The following HERPUD2 variants were observed in gnomAD, a reference collection of about 807,000 sequenced individuals.
HERPUD2 encodes HERPUD family member 2, also known as homocysteine-responsive endoplasmic reticulum-resident ubiquitin-like domain member 2 protein.
HERPUD2 carries 13 observed loss-of-function variants against 49.9 expected under a neutral mutation model. That is an observed-to-expected ratio of 0.26 (90% confidence interval 0.17 to 0.41). The LOEUF (loss-of-function observed/expected upper bound fraction) is 0.41, where lower values mean the gene tolerates loss of function less well. Ranked by LOEUF, HERPUD2 falls within the 10% of genes least tolerant of loss-of-function variation. The probability of loss-of-function intolerance (pLI) is 1.00; values close to 1 mark genes in which losing one functional copy is unlikely to be tolerated. For missense variants in HERPUD2, 449 were observed against 492.2 expected (o/e 0.91, Z 0.83); for synonymous variants, 172 against 171.4 (o/e 1.00, Z -0.03).
intron 2 of HERPUD2, among the ~76,000 whole-genome samples, chr7:35,693,430 A>G (rs1192187017): frequency 6.6e-6 from 1 of 152,222 alleles, no homozygotes; most frequent in Admixed American, 6.5e-5. Context: ...TAGGGGACAC[A>G]TACTTATTTC....
At chr7:35,675,396 G>A (rs1562683302) in intron 2 of HERPUD2, among the ~76,000 whole-genome samples, 1 of 152,048 alleles carries the variant, frequency 6.6e-6, no homozygotes, top group African/African-American at 2.4e-5. Flanking sequence ...TTTAATTCCT[G>A]CCCAAAATGA....
rs553149646 is a variant in HERPUD2 at position 35,694,407 on chromosome 7, G to A, written c.-77C>T. On this transcript the variant is annotated 5_prime_UTR_variant, in exon 2 of 9. Coordinates refer to ENST00000311350, the MANE Select transcript of HERPUD2 (RefSeq NM_022373.5). ...GAGCCGAGATGGTCACCGCCGGCGC[G>A]ACTGGGATGAGGACAGAAGTGAGTT... 16 of 1,485,750 alleles carry A rather than the reference G, an allele frequency of 1.1e-5. 1 individual carries two copies. In the South Asian group the frequency reaches 1.7e-4, roughly 16 times the overall value. The allele number at this position is 1,485,750 out of a possible 1,614,324, so 92.0% of individuals were successfully genotyped here. A position where few individuals can be genotyped will look rare whatever the true frequency, so the allele number is the denominator to read the frequency against.
chr7:35,638,380 T>G lies in HERPUD2; in HGVS notation c.587A>C (p.Gln196Pro). ...FSPLQMLWWQ[Q>P]MYAHQYYMQY... ...CATATAATACTGATGAGCATACATC[T>G]GTTGCCACCATAGCATCTGCAGTGG... Residue 196 changes from glutamine (Q) to proline (P), a missense_variant, in exon 6 of 9, where the codon CAG becomes CCG. Physicochemically the swap from Gln to Pro is moderately conservative, Grantham distance 76. Transcript: ENST00000311350. The G allele has an allele frequency of 6.2e-7, 1 of 1,613,630 alleles. No individual in the cohort carries two copies. Among genetic ancestry groups the G allele is most frequent in the Non-Finnish European group, 8.5e-7 (1 of 1,179,572 alleles).
chr7:35,683,019 G>T (rs1339982978), intron 2 of HERPUD2, among the ~76,000 whole-genome samples: 10 of 151,904 alleles, frequency 6.6e-5, no homozygotes, highest in Non-Finnish European at 1.0e-4. Context: ...CAAATTCAAC[G>T]CAATTCCCAT....
chr7:35,664,265 A>G (rs1735481813), intron 5 of HERPUD2, among the ~76,000 whole-genome samples: 1 of 152,190 alleles, frequency 6.6e-6, no homozygotes, highest in African/African-American at 2.4e-5. Context: ...ATCAGCTATT[A>G]GTCTGATGGG....
chr7:35,682,230 T>C (rs566451736), intron 2 of HERPUD2, among the ~76,000 whole-genome samples: 5 of 129,054 alleles, frequency 3.9e-5, no homozygotes, highest in Middle Eastern at 8.0e-3. Flanking sequence ...TGTGTATATA[T>C]AGATATATAC....
intron 5 of HERPUD2, among the ~76,000 whole-genome samples, chr7:35,642,620 C>A (rs1305338824): frequency 6.6e-6 from 1 of 152,076 alleles, no homozygotes; most frequent in Non-Finnish European, 1.5e-5. Context: ...GAACACTAAA[C>A]AGTCATAAAA....
chr7:35,675,315 C>T (rs1785738519), intron 2 of HERPUD2, among the ~76,000 whole-genome samples: 1 of 152,120 alleles, frequency 6.6e-6, no homozygotes, highest in Admixed American at 6.5e-5. Flanking sequence ...TTAGTTTTTT[C>T]CTATATCCAT....
intron 5 of HERPUD2, among the ~76,000 whole-genome samples, chr7:35,663,474 G>A (rs1319008198): frequency 3.3e-5 from 5 of 152,082 alleles, no homozygotes; most frequent in African/African-American, 1.2e-4. Flanking sequence ...TTTCTGTCTC[G>A]TTGATCTGTC....
chr7:35,673,202 T>C lies in HERPUD2; in HGVS notation c.224A>G (p.Lys75Arg), dbSNP rs1785681816. The C allele has an allele frequency of 6.2e-7, 1 of 1,610,150 alleles. No homozygotes were observed. Among genetic ancestry groups the C allele is most frequent in the Non-Finnish European group, 8.5e-7 (1 of 1,177,682 alleles). The change falls in exon 3 of 9, where the codon AAA (lysine) becomes AGA (arginine). Residue 75 changes from lysine (K) to arginine (R), a missense_variant and splice_region_variant. Physicochemically the swap from Lys to Arg is conservative, Grantham distance 26 (BLOSUM62 2). Coordinates refer to ENST00000311350, the MANE Select transcript of HERPUD2 (RefSeq NM_022373.5). ...DHLQLKDILRKQDEYHMVHLV... is the reference protein window; with the variant it reads ...DHLQLKDILRRQDEYHMVHLV... ...TCAAATAGTGGTAGAAAAGCTTACT[T>C]TTCTGAGAATGTCTTTCAGCTGCAG...
intron 2 of HERPUD2, among the ~76,000 whole-genome samples, chr7:35,687,223 CAG>C (rs1786082836): frequency 6.6e-6 from 1 of 152,130 alleles, no homozygotes; most frequent in Non-Finnish European, 1.5e-5. Context: ...TCAGAAGACT[CAG>C]GGTTCACAAA....
intron 5 of HERPUD2, among the ~76,000 whole-genome samples, chr7:35,638,903 TA>T (rs1784918791): frequency 6.6e-6 from 1 of 152,108 alleles, no homozygotes; most frequent in South Asian, 2.1e-4. Flanking sequence ...AAACTATTAT[TA>T]AAATATAGCA....
chr7:35,655,569 C>A (rs1043414743), intron 5 of HERPUD2, among the ~76,000 whole-genome samples: 1 of 152,150 alleles, frequency 6.6e-6, no homozygotes, highest in African/African-American at 2.4e-5. Flanking sequence ...ATATAACAAA[C>A]CCACAGCTAA....
In HERPUD2 at chr7:35,635,376, CAT is replaced by C; in HGVS notation, c.698_699del (p.His233ArgfsTer22). 1 of 1,614,068 alleles carries C rather than the reference CAT, an allele frequency of 6.2e-7. No homozygotes were observed. Among genetic ancestry groups the C allele is most frequent in the Non-Finnish European group, 8.5e-7 (1 of 1,179,996 alleles). On this transcript the variant is annotated frameshift_variant, in exon 7 of 9. Transcript: ENST00000311350. LOFTEE classifies it high-confidence loss of function. ...GCTGGTGGGGGTTCTTCTCCAGGAA[CAT>C]GTGCCAAATTTAGAGGCTGTGAAGT... is the stretch of plus-strand genomic sequence containing the variant. ...PTTSQPLNLA[H>X]VPGEEPPPAP...
Position 35,633,057 on chromosome 7 carries a change from G to A in HERPUD2, c.*633C>T, listed in dbSNP as rs1417858062. On this transcript the variant is annotated 3_prime_UTR_variant, in exon 9 of 9. Coordinates refer to ENST00000311350, the MANE Select transcript of HERPUD2 (RefSeq NM_022373.5). Reference sequence around the variant, plus strand: ...GGCTACTAGCTATAGACATTTATATGTGAAGCAGCTCTTTTTTTTTTTTTT... The same window carrying A: ...GGCTACTAGCTATAGACATTTATATATGAAGCAGCTCTTTTTTTTTTTTTT... 6.6e-6 allele frequency: 1 copy of A among 151,536 alleles called. No homozygotes were observed. Among genetic ancestry groups the A allele is most frequent in the Non-Finnish European group, 1.5e-5 (1 of 67,894 alleles). 9.4% of individuals were successfully genotyped at this position (151,536 alleles called of 1,614,324 possible).
chr7:35,636,997 G>C (rs1425783077), intron 6 of HERPUD2, among the ~76,000 whole-genome samples: 3 of 152,078 alleles, frequency 2.0e-5, no homozygotes, highest in Admixed American at 2.0e-4. Flanking sequence ...ACCCAGATGT[G>C]GTGGCACATA....
intron 2 of HERPUD2, 130 bp downstream of exon 2, chr7:35,694,054 A>G: frequency 4.4e-6 from 4 of 905,006 alleles, no homozygotes; most frequent in Non-Finnish European, 7.0e-6. Context: ...CTCAGAACTC[A>G]AAATACCTCG....
chr7:35,673,375 T>C (rs1392947882), intron 2 of HERPUD2, 97 bp from the exon 3 acceptor site: 1 of 870,062 alleles, frequency 1.1e-6, no homozygotes, highest in Non-Finnish European at 1.8e-6. Context: ...TAAAACTCCC[T>C]TTAGGCACAA....
chr7:35,691,628 C>G (rs1314084414), intron 2 of HERPUD2, among the ~76,000 whole-genome samples: 1 of 152,146 alleles, frequency 6.6e-6, no homozygotes, highest in African/African-American at 2.4e-5. Context: ...GGAAGATGCA[C>G]AAGAAATTAT....
Sources: gnomAD v4.1 joint callset for allele counts (sites outside exome capture counted in the v4.1 genomes callset) on GRCh38, gnomAD v4.1.1 for gene constraint, MANE v1.5 for transcripts, NCBI Gene and HGNC (gene_info 2026-07-23, HGNC 2026-07-21) for gene names.